Variants in NSMAF observed in about 807,000 individuals in gnomAD.
NSMAF encodes the protein protein FAN.
NSMAF carries 90 observed loss-of-function variants against 134.9 expected under a neutral mutation model. That is an observed-to-expected ratio of 0.67 (90% CI 0.56 to 0.79). NSMAF has a LOEUF of 0.79. Among genes scored for constraint, NSMAF ranks in the 30% least tolerant of loss-of-function variants. The pLI is 0.00. For synonymous variants in NSMAF, 358 were observed against 389.6 expected, an observed-to-expected ratio of 0.92 and a Z score of 0.96; for missense variants, 1,010 against 1,119.0, an observed-to-expected ratio of 0.90 and a Z score of 1.39.
chr8:58,645,815 C>A (rs991203384), intron 1 of NSMAF, among the ~76,000 whole-genome samples: 1 of 151,986 alleles, frequency 6.6e-6, no homozygotes, highest in African/African-American at 2.4e-5. Flanking sequence ...CCAAGGCGGG[C>A]GGTTTGCCTG....
At chr8:58,633,764 G>T (rs1332786588) in intron 5 of NSMAF, among the ~76,000 whole-genome samples, 1 of 152,172 alleles carries the variant, frequency 6.6e-6, no homozygotes, top group African/African-American at 2.4e-5. Flanking sequence ...CTGAGATCTT[G>T]TGACCTAGTA....
rs767244044 is a variant in NSMAF, at chr8:58,599,332, ATCT to A, written c.1482_1484del (p.Lys494_Asp495delinsAsn). On this transcript the variant is annotated inframe_deletion, in exon 19 of 31. Coordinates refer to ENST00000038176, the MANE Select transcript of NSMAF (RefSeq NM_003580.4). The stretch of plus-strand genomic sequence containing the variant: ...CAGACACATAATTGCTTTCCAATGC[ATCT>A]TTGCTCTTCTGGAGAAAGTCCTCGG... 3 of 1,613,980 alleles carry A rather than the reference ATCT, an allele frequency of 1.9e-6. No individual in the cohort carries two copies. The South Asian group carries it at 3.3e-5, about 18-fold the overall frequency.
chr8:58,657,841 G>A (rs573920678), intron 1 of NSMAF, among the ~76,000 whole-genome samples: 4 of 152,328 alleles, frequency 2.6e-5, no homozygotes, highest in Non-Finnish European at 5.9e-5. Context: ...TGTTTTGGTT[G>A]CCAAGAGCTA....
chr8:58,597,958 A>G (rs1249359432), intron 19 of NSMAF, 56 bp from the exon 20 acceptor site: 2 of 1,236,484 alleles, frequency 1.6e-6, no homozygotes, highest in Non-Finnish European at 1.2e-6. Context: ...TGTAATATAC[A>G]CTGTTTAGAA....
intron 2 of NSMAF, among the ~76,000 whole-genome samples, chr8:58,638,986 AAAG>A (rs1807266417): frequency 6.6e-6 from 1 of 152,178 alleles, no homozygotes; most frequent in African/African-American, 2.4e-5. Flanking sequence ...ACATATCTCA[AAAG>A]AAGACATACA....
intron 1 of NSMAF, among the ~76,000 whole-genome samples, chr8:58,658,909 T>A (rs1002462046): frequency 6.6e-6 from 1 of 152,198 alleles, no homozygotes; most frequent in Non-Finnish European, 1.5e-5. Flanking sequence ...ACTGCAAAGC[T>A]TTCCAACACA....
chr8:58,599,767 A>T lies in NSMAF; in HGVS notation c.1436T>A (p.Leu479His). 5 of 1,614,104 alleles carry T rather than the reference A, an allele frequency of 3.1e-6. No homozygotes were observed. Among genetic ancestry groups the T allele is most frequent in the Non-Finnish European group, 3.4e-6 (4 of 1,179,952 alleles). Residue 479 changes from leucine to histidine, a missense_variant, in exon 18 of 31, where the codon CTT (leucine) becomes CAT (histidine). By Grantham distance (99) the Leu-to-His change is moderately conservative (BLOSUM62 -3). Coordinates refer to ENST00000038176, the MANE Select transcript of NSMAF (RefSeq NM_003580.4). ...GGACTCACTGGAAGCCCAAGGGGGA[A>T]GCTCCACGTCGTCAACCATCTGTCC... ...QGGQMVDDVELPPWASSPEDF... is the reference protein window; with the variant it reads ...QGGQMVDDVEHPPWASSPEDF...
At chr8:58,601,381 C>T (rs1450475738) in intron 15 of NSMAF, 33 bp from the exon 16 acceptor site, 2 of 1,611,416 alleles carry the variant, frequency 1.2e-6, no homozygotes, top group South Asian at 2.2e-5. Flanking sequence ...TAAGTCAGGT[C>T]ACAGAATCAT....
chr8:58,624,710 G>C (rs1413694540), intron 6 of NSMAF, among the ~76,000 whole-genome samples: 2 of 152,206 alleles, frequency 1.3e-5, no homozygotes, highest in Non-Finnish European at 2.9e-5. Flanking sequence ...TGAGAGGAAA[G>C]TGTATTCTGC....
intron 23 of NSMAF, 43 bp from the exon 24 acceptor site, chr8:58,590,977 A>C (rs1370172211): frequency 6.5e-7 from 1 of 1,541,062 alleles, no homozygotes; most frequent in African/African-American, 1.4e-5. Flanking sequence ...AAGATTTCCT[A>C]ACCATTACAG....
chr8:58,606,757 G>C (rs1228210094), intron 11 of NSMAF, among the ~76,000 whole-genome samples: 3 of 152,124 alleles, frequency 2.0e-5, no homozygotes, highest in Non-Finnish European at 4.4e-5. Context: ...TCAAATACAG[G>C]CTTTCACCAT....
At chr8:58,592,865 C>T (rs1237814788) in intron 23 of NSMAF, among the ~76,000 whole-genome samples, 13 of 150,408 alleles carry the variant, frequency 8.6e-5, no homozygotes, top group African/African-American at 1.7e-4. Flanking sequence ...CCAGCCTGGG[C>T]GACGGAGCAA....
chr8:58,592,187 C>T (rs1806035165), intron 23 of NSMAF, among the ~76,000 whole-genome samples: 1 of 152,148 alleles, frequency 6.6e-6, no homozygotes, highest in Admixed American at 6.5e-5. Flanking sequence ...TAATTTGAGA[C>T]ATCCTACAAA....
chr8:58,601,597 A>G, intron 14 of NSMAF, 62 bp from the exon 15 acceptor site: 2 of 1,538,140 alleles, frequency 1.3e-6, no homozygotes, highest in Non-Finnish European at 1.7e-6. Flanking sequence ...ATAACTGACA[A>G]GTAGAAAAAG....
chr8:58,645,636 C>T (rs556858001), intron 1 of NSMAF, among the ~76,000 whole-genome samples: 17 of 152,174 alleles, frequency 1.1e-4, no homozygotes, highest in African/African-American at 3.6e-4. Context: ...AAGAATGCAA[C>T]TTGAAGGACT....
chr8:58,617,860 A>G (rs925903785), intron 9 of NSMAF, among the ~76,000 whole-genome samples: 6 of 152,342 alleles, frequency 3.9e-5, no homozygotes, highest in African/African-American at 1.4e-4. Flanking sequence ...ACACATGCAC[A>G]TGTACGTTTA....
At chr8:58,642,421 A>G (rs1807356774) in intron 2 of NSMAF, among the ~76,000 whole-genome samples, 1 of 152,238 alleles carries the variant, frequency 6.6e-6, no homozygotes, top group African/African-American at 2.4e-5. Context: ...ATCTGTTTTT[A>G]TAGTAGTGAG....
Position 58,630,129 on chromosome 8 carries a change from C to T in NSMAF, c.384+1367G>A, listed in dbSNP as rs761280072. 2.0e-5 allele frequency among the ~76,000 whole-genome samples: 3 copies of T among 152,180 alleles called. No homozygotes were observed. The East Asian group carries it at 5.8e-4, about 29-fold the overall frequency. On this transcript the variant is annotated intron_variant, in intron 6 of 30. Transcript: ENST00000038176. ...GACAGAGGATGGCCAGATAGTGACA[C>T]AAATTTTTATACCGGCTTTGATGTG...
intron 16 of NSMAF, among the ~76,000 whole-genome samples, chr8:58,600,621 C>CAGAAA (rs766116247): frequency 2.2e-5 from 1 of 44,682 alleles, no homozygotes; most frequent in African/African-American, 8.8e-5. Context: ...GACTCTGTCT[C>CAGAAA]AAAAAAAAAA....
Sources: gnomAD v4.1 joint callset for allele counts (sites outside exome capture counted in the v4.1 genomes callset) on GRCh38, gnomAD v4.1.1 for gene constraint, MANE v1.5 for transcripts, NCBI Gene and HGNC (gene_info 2026-07-23, HGNC 2026-07-21) for gene names.